WASF1: variants seen among roughly 807,000 people sequenced by gnomAD.
WASF1 encodes actin-binding protein WASF1.
Under a neutral mutation model 50.5 loss-of-function variants are expected in WASF1, and 7 were observed. The observed-to-expected ratio is 0.14, with a 90% CI of 0.08 to 0.26. The LOEUF (loss-of-function observed/expected upper bound fraction) is 0.26. Among genes scored for constraint, WASF1 ranks in the 10% least tolerant of loss-of-function variants. The pLI is 1.00. For synonymous variants in WASF1, 205 were observed against 244.0 expected (o/e 0.84, Z 1.49); for missense variants, 470 against 694.7 (o/e 0.68, Z 3.64).
intron 2 of WASF1, among the ~76,000 whole-genome samples, chr6:110,171,559 C>T (rs1284900831): frequency 6.6e-6 from 1 of 151,482 alleles, no homozygotes; most frequent in Non-Finnish European, 1.5e-5. Flanking sequence ...GTAGAAGGAT[C>T]TATAAAACCA....
chr6:110,102,149 T>C lies in WASF1; in HGVS notation c.961A>G (p.Ser321Gly). 6.8e-7 allele frequency: 1 copy of C among 1,478,554 alleles called. No individual in the cohort carries two copies. The highest frequency in any genetic ancestry group is 9.0e-7 in the Non-Finnish European group (1 of 1,114,498). The allele number at this position is 1,478,554 out of a possible 1,614,324, so 91.6% of individuals were successfully genotyped here. The part of the protein sequence containing the change: ...PATGRTPVFV[S>G]PTPPPPPPPL... ...GGTGGAGGAGGTGGGGGAGTGGGGC[T>C]CACAAACACAGGTGTTCTGCCTGTA... The change falls in exon 10 of 11, where the codon AGC becomes GGC. Residue 321 changes from serine (S) to glycine (G), a missense_variant. Physicochemically the swap from Ser to Gly is moderately conservative, Grantham distance 56. Transcript: ENST00000392589.
chr6:110,124,483 TA>T (rs1347103342), intron 4 of WASF1, among the ~76,000 whole-genome samples: 2 of 149,628 alleles, frequency 1.3e-5, no homozygotes, highest in Non-Finnish European at 3.0e-5. Context: ...AGCTAAGGAG[TA>T]AAAAACCTTG....
chr6:110,166,240 G>GA (rs946791829), intron 2 of WASF1, among the ~76,000 whole-genome samples: 21 of 146,966 alleles, frequency 1.4e-4, no homozygotes, highest in African/African-American at 2.0e-4. Context: ...TTTACCAATT[G>GA]AAAAAAAAAA....
Position 110,166,399 on chromosome 6 carries a change from A to T in WASF1, c.-126-5667T>A, listed in dbSNP as rs139147410. ...ACACCAAAGTACAGTCTTTACCAAG[A>T]CTATCCTGAAGACAATGAGAACAGT... On this transcript the variant is annotated intron_variant, in intron 2 of 10. Transcript: ENST00000392589. Among the ~76,000 whole-genome samples, 17 of 151,992 alleles carry T rather than the reference A, an allele frequency of 1.1e-4. No individual in the cohort carries two copies. In the East Asian group the frequency reaches 3.3e-3, roughly 29 times the overall value.
In WASF1 at chr6:110,129,374, T is replaced by C. The variant is rs188021655; in HGVS notation, c.-28-1745A>G. ...AATCCAACATAAGTGGAGTAACAGA[T>C]GAAGTAGCTGACTGTGGAAATGTTG... is the stretch of plus-strand genomic sequence containing the variant. On this transcript the variant is annotated intron_variant, in intron 3 of 10. Transcript: ENST00000392589. Among the ~76,000 whole-genome samples the C allele has an allele frequency of 1.2e-4, 19 of 152,282 alleles. No individual in the cohort carries two copies. In the East Asian group the frequency reaches 3.7e-3, roughly 29 times the overall value.
intron 4 of WASF1, among the ~76,000 whole-genome samples, chr6:110,124,274 C>CTCTCTATATATATATA (rs1331534646): frequency 4.9e-5 from 1 of 20,504 alleles, no homozygotes; most frequent in Non-Finnish European, 7.6e-5. Context: ...CTCTCTCTCT[C>CTCTCTATATATATATA]TATATATATA....
At chr6:110,153,697 A>C (rs951121183) in intron 3 of WASF1, among the ~76,000 whole-genome samples, 2 of 151,990 alleles carry the variant, frequency 1.3e-5, no homozygotes, top group African/African-American at 4.8e-5. Context: ...TGAGCTCAGA[A>C]GTTCGAGACC....
At chr6:110,108,754 C>T in intron 5 of WASF1, 73 bp from the exon 6 acceptor site, 2 of 1,417,016 alleles carry the variant, frequency 1.4e-6, no homozygotes, top group South Asian at 1.3e-5. Context: ...AATTCACATA[C>T]TTTATTTGTC....
intron 2 of WASF1, among the ~76,000 whole-genome samples, chr6:110,170,597 C>A (rs1776666580): frequency 6.6e-6 from 1 of 151,478 alleles, no homozygotes; most frequent in Admixed American, 6.6e-5. Flanking sequence ...GATTTTAATA[C>A]AATTATGTCA....
chr6:110,124,605 TCA>T (rs1220842432), intron 4 of WASF1, among the ~76,000 whole-genome samples: 1 of 151,972 alleles, frequency 6.6e-6, no homozygotes, highest in East Asian at 1.9e-4. Flanking sequence ...AGGAAAAATC[TCA>T]CAAAAAACAG....
intron 5 of WASF1, among the ~76,000 whole-genome samples, chr6:110,109,297 T>C (rs1773456158): frequency 6.6e-6 from 1 of 152,200 alleles, no homozygotes; most frequent in Non-Finnish European, 1.5e-5. Flanking sequence ...TCTTGAAGAC[T>C]CAGACTATCT....
intron 7 of WASF1, among the ~76,000 whole-genome samples, chr6:110,105,829 T>C (rs1773298558): frequency 6.6e-6 from 1 of 152,218 alleles, no homozygotes. Flanking sequence ...CAAAACAGTA[T>C]GCCTAAAGAA....
At chr6:110,171,618 T>C (rs1776718772) in intron 2 of WASF1, among the ~76,000 whole-genome samples, 1 of 152,090 alleles carries the variant, frequency 6.6e-6, no homozygotes, top group Non-Finnish European at 1.5e-5. Flanking sequence ...GACACGGGCA[T>C]GGGCAAGGAC....
chr6:110,101,836 G>T lies in WASF1; in HGVS notation c.1274C>A (p.Pro425Gln). The T allele has an allele frequency of 6.2e-7, 1 of 1,614,028 alleles. No homozygotes were observed. Among genetic ancestry groups the T allele is most frequent in the Non-Finnish European group, 8.5e-7 (1 of 1,179,992 alleles). ...LPQGEVQGLP[P>Q]PPPPPPLPPP... ...AGGCAGAGGAGGCGGTGGTGGGGGT[G>T]GAGGCAGCCCCTGAACTTCACCTTG... The change falls in exon 10 of 11, where the codon CCA (proline) becomes CAA (glutamine). Residue 425 changes from proline to glutamine, a missense_variant. Pro to Gln is a moderately conservative substitution (Grantham distance 76). Transcript: ENST00000392589.
intron 1 of WASF1, among the ~76,000 whole-genome samples, chr6:110,179,029 G>C (rs1475841681): frequency 1.3e-5 from 2 of 152,242 alleles, no homozygotes; most frequent in Non-Finnish European, 2.9e-5. Flanking sequence ...ACCGAGCCTC[G>C]CGCACGTAGG....
intron 2 of WASF1, among the ~76,000 whole-genome samples, chr6:110,174,652 A>G (rs1776850454): frequency 1.3e-5 from 2 of 152,316 alleles, no homozygotes; most frequent in South Asian, 4.1e-4. Flanking sequence ...CTATGATAGC[A>G]ATTAAACAAG....
chr6:110,114,686 G>C (rs1773715406), intron 4 of WASF1, among the ~76,000 whole-genome samples: 1 of 152,004 alleles, frequency 6.6e-6, no homozygotes, highest in East Asian at 1.9e-4. Context: ...TTCAGGAAGA[G>C]GTTTGGCCTC....
At chr6:110,174,660 A>G (rs1776851003) in intron 2 of WASF1, among the ~76,000 whole-genome samples, 2 of 152,202 alleles carry the variant, frequency 1.3e-5, no homozygotes, top group African/African-American at 2.4e-5. Flanking sequence ...GCAATTAAAC[A>G]AGATAAATAA....
chr6:110,100,769 G>T, intron 10 of WASF1, 90 bp from the exon 11 acceptor site: 1 of 1,256,858 alleles, frequency 8.0e-7, no homozygotes, highest in Non-Finnish European at 1.0e-6. Flanking sequence ...AAATACACAT[G>T]AGAAATACTT....
Sources: allele counts gnomAD v4.1 joint callset (sites outside exome capture counted in the v4.1 genomes callset), GRCh38; gene constraint gnomAD v4.1.1; transcripts MANE v1.5; gene names NCBI Gene and HGNC (gene_info 2026-07-23, HGNC 2026-07-21).